The following YTHDC1 variants were observed in gnomAD, a reference collection of about 807,000 sequenced individuals.
The protein encoded by YTHDC1 is YTH domain-containing protein 1.
Under a neutral mutation model 107.0 loss-of-function variants are expected in YTHDC1, and 12 were observed. The observed-to-expected ratio is 0.11, with a 90% CI of 0.07 to 0.18. The LOEUF is 0.18. YTHDC1 is among the 10% of genes least tolerant of loss of function. YTHDC1 has a pLI of 1.00. For missense variants in YTHDC1, 635 were observed against 898.8 expected, an observed-to-expected ratio of 0.71 and a Z score of 3.75; for synonymous variants, 280 against 289.5, an observed-to-expected ratio of 0.97 and a Z score of 0.33.
chr4:68,332,757 A>G (rs1205075965), intron 6 of YTHDC1, 37 bp downstream of exon 6: 1 of 1,573,158 alleles, frequency 6.4e-7, no homozygotes. Context: ...ATGACTATGC[A>G]GCATGCAATG....
chr4:68,332,732 C>T, intron 6 of YTHDC1, 62 bp downstream of exon 6: 1 of 1,480,818 alleles, frequency 6.8e-7, no homozygotes, highest in Non-Finnish European at 9.3e-7. Context: ...AATGGAGAAC[C>T]AATAAGGAAA....
chr4:68,338,442 T>C (rs1457317127), intron 1 of YTHDC1, 58 bp from the exon 2 acceptor site: 1 of 1,352,154 alleles, frequency 7.4e-7, no homozygotes, highest in South Asian at 1.3e-5. Flanking sequence ...CATGTATTTT[T>C]GAGTACTTAC....
At position 68,310,430 on chromosome 4, in the gene YTHDC1, AAT is replaced by A. The variant is rs965021449; in HGVS notation, c.*3667_*3668del. On this transcript the variant is annotated 3_prime_UTR_variant, in exon 17 of 17. Coordinates refer to ENST00000344157, the MANE Select transcript of YTHDC1 (RefSeq NM_001031732.4). ...TAATGTATTTATTAGTATTTAAGAC[AAT>A]AGTCAATAATCTATATTTAAGACAC... 8 of 152,244 alleles carry A rather than the reference AAT, an allele frequency of 5.3e-5. No homozygotes were observed. Among genetic ancestry groups the A allele is most frequent in the Admixed American group, 2.0e-4 (3 of 15,288 alleles). The allele number at this position is 152,244 out of a possible 1,614,324, so 9.4% of individuals were successfully genotyped here.
intron 16 of YTHDC1, among the ~76,000 whole-genome samples, chr4:68,315,619 T>C (rs779868459): frequency 6.6e-6 from 1 of 151,514 alleles, no homozygotes; most frequent in African/African-American, 2.4e-5. Flanking sequence ...AAAAGTACTA[T>C]TGGGGGGGGT....
intron 1 of YTHDC1, among the ~76,000 whole-genome samples, chr4:68,348,669 C>A (rs1725715167): frequency 6.6e-6 from 1 of 152,012 alleles, no homozygotes; most frequent in Non-Finnish European, 1.5e-5. Flanking sequence ...TCTCCTGATG[C>A]AGAAACCAGA....
chr4:68,330,820 G>A (rs1723499446), intron 7 of YTHDC1, among the ~76,000 whole-genome samples: 1 of 151,994 alleles, frequency 6.6e-6, no homozygotes, highest in Non-Finnish European at 1.5e-5. Flanking sequence ...GACTGAAGAG[G>A]CCTACGTTTT....
chr4:68,348,175 T>A (rs1263107138), intron 1 of YTHDC1, among the ~76,000 whole-genome samples: 1 of 152,208 alleles, frequency 6.6e-6, no homozygotes, highest in African/African-American at 2.4e-5. Flanking sequence ...TCTACTTTTC[T>A]TCTTCAATGT....
At chr4:68,314,480 C>T (rs1427590369) in intron 16 of YTHDC1, among the ~76,000 whole-genome samples, 157 bp from the exon 17 acceptor site, 3 of 152,064 alleles carry the variant, frequency 2.0e-5, no homozygotes, top group Non-Finnish European at 4.4e-5. Flanking sequence ...CAAAGAAATG[C>T]AATAATAAAT....
intron 12 of YTHDC1, 21 bp downstream of exon 12, chr4:68,320,102 G>A: frequency 6.5e-7 from 1 of 1,544,976 alleles, no homozygotes; most frequent in Non-Finnish European, 8.8e-7. Flanking sequence ...TCAAATATCT[G>A]CAGGATTATA....
chr4:68,323,008 A>T, intron 10 of YTHDC1, 93 bp from the exon 11 acceptor site: 2 of 1,297,062 alleles, frequency 1.5e-6, no homozygotes, highest in South Asian at 2.9e-5. Context: ...ACTGACTTGG[A>T]AGCTTTCTTC....
intron 15 of YTHDC1, among the ~76,000 whole-genome samples, chr4:68,317,002 G>GA (rs1480415501): frequency 3.9e-5 from 6 of 152,180 alleles, no homozygotes; most frequent in African/African-American, 1.4e-4. Flanking sequence ...GAGGCTGAGG[G>GA]AAAAGAATCC....
At position 68,322,044 on chromosome 4, in the gene YTHDC1, A is replaced by G. The variant is rs1277181995; in HGVS notation, c.1601+705T>C. Reference sequence around the variant, plus strand: ...CTGCCAGCATCTGGAAAAGTTGTAAACAGACACAGCAACAGCCCTTCTTTT... The same window carrying G: ...CTGCCAGCATCTGGAAAAGTTGTAAGCAGACACAGCAACAGCCCTTCTTTT... On this transcript the variant is annotated intron_variant, in intron 11 of 16. Coordinates refer to ENST00000344157, the MANE Select transcript of YTHDC1 (RefSeq NM_001031732.4). This position sits in a 1 kb window ranked among gnomAD's most constrained non-coding sequence, Gnocchi z 4.8. Among the ~76,000 whole-genome samples, 1 of 152,226 alleles carries G rather than the reference A, an allele frequency of 6.6e-6. No homozygotes were observed. The highest frequency in any genetic ancestry group is 1.5e-5 in the Non-Finnish European group (1 of 68,032).
chr4:68,333,512 G>A, intron 4 of YTHDC1, 115 bp from the exon 5 acceptor site: 1 of 676,352 alleles, frequency 1.5e-6, no homozygotes, highest in Non-Finnish European at 2.5e-6. Flanking sequence ...ATTAGTCTGT[G>A]CTCCTCTCTC....
At position 68,317,973 on chromosome 4, in the gene YTHDC1, G is replaced by A. The variant is rs531671406; in HGVS notation, c.1824+546C>T. 5.9e-5 allele frequency among the ~76,000 whole-genome samples: 9 copies of A among 152,216 alleles called. No homozygotes were observed. In the East Asian group the frequency reaches 9.7e-4, roughly 16 times the overall value. ...AAAAGAAATATATCTGAACCCAAGC[G>A]GACTTTGCACTACTAATTACTACCA... On this transcript the variant is annotated intron_variant, in intron 15 of 16. Transcript: ENST00000344157.
chr4:68,345,548 C>T (rs796250212), intron 1 of YTHDC1, among the ~76,000 whole-genome samples: 25 of 151,958 alleles, frequency 1.6e-4, no homozygotes, highest in African/African-American at 5.8e-4. Context: ...AATCGTCATT[C>T]CTCCAAATGA....
chr4:68,323,438 T>G (rs1722646749), intron 10 of YTHDC1, among the ~76,000 whole-genome samples: 1 of 152,160 alleles, frequency 6.6e-6, no homozygotes. Flanking sequence ...GTCATATTAC[T>G]TTTGCATGGC....
In YTHDC1 at chr4:68,332,866, C is replaced by T. The variant is rs769801997; in HGVS notation, c.974-19G>A. 1.2e-6 allele frequency: 2 copies of T among 1,609,892 alleles called. No homozygotes were observed. Among genetic ancestry groups the T allele is most frequent in the Non-Finnish European group, 8.5e-7 (1 of 1,177,272 alleles). ...TCTGAACCTGTATTTAGCCAAAGTA[C>T]ATTTGTTCAGATTGAGCTTTAATAG... On this transcript the variant is annotated intron_variant, in intron 5 of 16. Coordinates refer to ENST00000344157, the MANE Select transcript of YTHDC1 (RefSeq NM_001031732.4).
Position 68,333,528 on chromosome 4 carries a change from C to G in YTHDC1, c.884-131G>C, listed in dbSNP as rs1039933062. The G allele has an allele frequency of 9.0e-6, 5 of 556,802 alleles. No individual in the cohort carries two copies. In the East Asian group the frequency reaches 1.2e-4, roughly 13 times the overall value. 34.5% of individuals were successfully genotyped at this position (556,802 alleles called of 1,614,324 possible). ...TTAGTCTGTGCTCCTCTCTCCTGAT[C>G]CCTCAATTTCCTCAGAATGTTTTAT... On this transcript the variant is annotated intron_variant, in intron 4 of 16. Transcript: ENST00000344157.
chr4:68,346,663 G>A (rs189771866), intron 1 of YTHDC1, among the ~76,000 whole-genome samples: 1 of 152,072 alleles, frequency 6.6e-6, no homozygotes, highest in Admixed American at 6.5e-5. Flanking sequence ...TAACTGTCTC[G>A]GGTAGTAGAT....
Sources: gnomAD v4.1 joint callset for allele counts (sites outside exome capture counted in the v4.1 genomes callset) on GRCh38, gnomAD v4.1.1 for gene constraint, Gnocchi (gnomAD v3.1) non-coding constraint, MANE v1.5 for transcripts, NCBI Gene and HGNC (gene_info 2026-07-23, HGNC 2026-07-21) for gene names.